The following DDX1 variants were observed in gnomAD, a reference collection of about 807,000 sequenced individuals.
DDX1 encodes the protein ATP-dependent RNA helicase DDX1.
In DDX1, 28 loss-of-function variants were observed where a neutral mutation model predicts 108.7. That is an observed-to-expected ratio of 0.26 (90% CI 0.19 to 0.35). The LOEUF is 0.35. Among genes scored for constraint, DDX1 ranks in the 10% least tolerant of loss-of-function variants. The pLI, the probability that DDX1 is intolerant of heterozygous loss-of-function variation, is 1.00. For synonymous variants in DDX1, 295 were observed against 288.9 expected, an observed-to-expected ratio of 1.02 and a Z score of -0.21; for missense variants, 710 against 884.5, an observed-to-expected ratio of 0.80 and a Z score of 2.50.
chr2:15,598,409 A>G (rs867775500), intron 5 of DDX1, among the ~76,000 whole-genome samples: 1 of 152,178 alleles, frequency 6.6e-6, no homozygotes, highest in African/African-American at 2.4e-5. Context: ...AACACTCCTA[A>G]AGGAGAATAA....
intron 13 of DDX1, among the ~76,000 whole-genome samples, chr2:15,608,938 T>G (rs1194786965): frequency 6.6e-6 from 1 of 150,806 alleles, no homozygotes; most frequent in Non-Finnish European, 1.5e-5. Context: ...TTTTGAAGAT[T>G]GATGCATGTT....
chr2:15,595,926 C>T (rs1487387248), intron 3 of DDX1, among the ~76,000 whole-genome samples: 1 of 151,898 alleles, frequency 6.6e-6, no homozygotes, highest in Non-Finnish European at 1.5e-5. Flanking sequence ...GCTCTGTTGC[C>T]CAAGCTGGAG....
At chr2:15,624,606 A>G (rs2148749101) in intron 19 of DDX1, among the ~76,000 whole-genome samples, 1 of 152,250 alleles carries the variant, frequency 6.6e-6, no homozygotes, top group South Asian at 2.1e-4. Flanking sequence ...ATAACCACCC[A>G]CATGATTCTA....
In DDX1 at chr2:15,613,283, G is replaced by A. The variant is rs778737731; in HGVS notation, c.1016G>A (p.Gly339Glu). The change falls in exon 14 of 26, where the codon GGA (glycine) becomes GAA (glutamate). Residue 339 changes from glycine (G) to glutamate (E), a missense_variant and splice_region_variant. Physicochemically the swap from Gly to Glu is moderately conservative, Grantham distance 98. This residue lies in a region of DDX1 where 661 missense variants were observed against 810.2 expected (regional missense o/e 0.82). Transcript: ENST00000233084. Reference sequence around the variant, plus strand: ...GATCAGCTCTCTGTTTTGGAAAATGGAGTAAGTTGTAGTTTTAATTTTTAA... The same window carrying A: ...GATCAGCTCTCTGTTTTGGAAAATGAAGTAAGTTGTAGTTTTAATTTTTAA... ...ARDQLSVLEN[G>E]VDIVVGTPGR... The A allele has an allele frequency of 1.3e-5, 21 of 1,601,780 alleles. No homozygotes were observed. In the East Asian group the frequency reaches 4.0e-4, roughly 31 times the overall value.
intron 19 of DDX1, among the ~76,000 whole-genome samples, chr2:15,625,668 C>T (rs533873753): frequency 5.9e-5 from 9 of 151,424 alleles, no homozygotes; most frequent in Admixed American, 1.3e-4. Flanking sequence ...AGTGTTGCTA[C>T]GTGTTTGAAA....
chr2:15,610,738 G>A (rs1054018386), intron 13 of DDX1, among the ~76,000 whole-genome samples: 3 of 152,218 alleles, frequency 2.0e-5, no homozygotes, highest in Non-Finnish European at 4.4e-5. Context: ...AGAAGAATAT[G>A]TAGATGAGAA....
intron 20 of DDX1, among the ~76,000 whole-genome samples, chr2:15,627,885 CAT>C (rs1244818805): frequency 6.6e-6 from 1 of 152,114 alleles, no homozygotes; most frequent in Non-Finnish European, 1.5e-5. Context: ...TTTTCTGGAC[CAT>C]AAGTCAGTAT....
chr2:15,604,628 A>G (rs1335135911), intron 10 of DDX1, 119 bp downstream of exon 10: 4 of 679,968 alleles, frequency 5.9e-6, no homozygotes, highest in Non-Finnish European at 7.8e-6. Context: ...CCTTTACTTG[A>G]ACTAATATTT....
At chr2:15,597,537 A>G in intron 5 of DDX1, 66 bp downstream of exon 5, 1 of 1,088,368 alleles carries the variant, frequency 9.2e-7, no homozygotes, top group African/African-American at 1.6e-5. Context: ...ACAGTTAGGA[A>G]AGTGAGATTT....
rs759215087 is a variant in DDX1, at chr2:15,628,657, C to T, written c.1779C>T (p.Pro593=). 18 of 1,612,160 alleles carry T rather than the reference C, an allele frequency of 1.1e-5. No homozygotes were observed. The highest frequency in any genetic ancestry group is 3.3e-5 in the Admixed American group (2 of 59,802). ...TTATAGTTATAAATGTCACTCTGCC[C>T]GATGAAAAGCAAAACTACGTACATC... ...GVPYVINVTL[P]DEKQNYVHRI... The change falls in exon 22 of 26, where the codon CCC becomes CCT. Residue 593 remains proline (P), a synonymous_variant. Coordinates refer to ENST00000233084, the MANE Select transcript of DDX1 (RefSeq NM_004939.3).
In DDX1 at chr2:15,596,773, AAATT is replaced by A. The variant is rs771022536; in HGVS notation, c.162+12_162+15del. On this transcript the variant is annotated intron_variant, in intron 4 of 25. Transcript: ENST00000233084. Reference sequence around the variant, plus strand: ...AAGTGGCAAAACTGGTGTAAGTAATAAATTATATTTACTTTCTCTCTAAAAGTTG... The same window carrying A: ...AAGTGGCAAAACTGGTGTAAGTAATAATATTTACTTTCTCTCTAAAAGTTG... 6.3e-7 allele frequency: 1 copy of A among 1,599,056 alleles called. No individual in the cohort carries two copies. Among genetic ancestry groups the A allele is most frequent in the Admixed American group, 1.7e-5 (1 of 59,644 alleles).
intron 19 of DDX1, among the ~76,000 whole-genome samples, chr2:15,623,973 A>G (rs1666053521): frequency 6.6e-6 from 1 of 152,224 alleles, no homozygotes; most frequent in South Asian, 2.1e-4. Context: ...AGGAAGGGGA[A>G]TAAAATGAGA....
In DDX1 at chr2:15,617,267, G is replaced by A. The variant is rs150852999; in HGVS notation, c.1041G>A (p.Pro347=). The change falls in exon 15 of 26, where the codon CCG becomes CCA. Residue 347 remains proline, a synonymous_variant. Transcript: ENST00000233084. The part of the protein sequence containing the change: ...ENGVDIVVGT[P]GRLDDLVSTG... ...AGGTAGATATAGTTGTAGGTACTCC[G>A]GGAAGACTAGATGACTTGGTGTCAA... The A allele has an allele frequency of 2.3e-5, 36 of 1,589,030 alleles. No individual in the cohort carries two copies. The highest frequency in any genetic ancestry group is 1.6e-4 in the African/African-American group (12 of 74,226).
At chr2:15,611,494 G>A (rs1665755827) in intron 13 of DDX1, among the ~76,000 whole-genome samples, 1 of 144,504 alleles carries the variant, frequency 6.9e-6, no homozygotes, top group Non-Finnish European at 1.5e-5. Context: ...CCCGGACGGG[G>A]CGGCTGGCCG....
chr2:15,613,911 A>G (rs1271503281), intron 14 of DDX1, among the ~76,000 whole-genome samples: 8 of 144,520 alleles, frequency 5.5e-5, no homozygotes, highest in Non-Finnish European at 1.0e-4. Flanking sequence ...TTCTCGGCTC[A>G]TTGCAACCTC....
Position 15,603,793 on chromosome 2 carries a change from TA to T in DDX1, c.476-17del. The T allele has an allele frequency of 6.5e-7, 1 of 1,536,702 alleles. No homozygotes were observed. The highest frequency in any genetic ancestry group is 8.9e-7 in the Non-Finnish European group (1 of 1,123,192). ...TTTATATTTTCTCTTACCAGAAAAGTAAAATATTTTTTAAATCTAGGTACTG... is the reference window on the plus strand; with the variant it reads ...TTTATATTTTCTCTTACCAGAAAAGTAAATATTTTTTAAATCTAGGTACTG... On this transcript the variant is annotated intron_variant, in intron 8 of 25. Coordinates refer to ENST00000233084, the MANE Select transcript of DDX1 (RefSeq NM_004939.3).
At chr2:15,598,799 T>G (rs954588767) in intron 5 of DDX1, among the ~76,000 whole-genome samples, 3 of 152,238 alleles carry the variant, frequency 2.0e-5, no homozygotes, top group Non-Finnish European at 4.4e-5. Context: ...ATTACAATTC[T>G]TAGTTTATAC....
At chr2:15,608,005 T>G (rs1218353934) in intron 13 of DDX1, among the ~76,000 whole-genome samples, 1 of 152,174 alleles carries the variant, frequency 6.6e-6, no homozygotes, top group East Asian at 1.9e-4. Flanking sequence ...TTTCTTCCAT[T>G]TGGACATTCA....
Position 15,606,138 on chromosome 2 carries a change from A to G in DDX1, c.703-12A>G. On this transcript the variant is annotated splice_polypyrimidine_tract_variant and intron_variant, in intron 11 of 25. Coordinates refer to ENST00000233084, the MANE Select transcript of DDX1 (RefSeq NM_004939.3). ...GGTAGGAATTTTAATTTTCTGTTTT[A>G]TTCAATGCTAGAATGCTGAACTGAA... 1 of 1,603,544 alleles carries G rather than the reference A, an allele frequency of 6.2e-7. No individual in the cohort carries two copies. The highest frequency in any genetic ancestry group is 8.5e-7 in the Non-Finnish European group (1 of 1,171,396).
Sources: allele counts gnomAD v4.1 joint callset (sites outside exome capture counted in the v4.1 genomes callset), GRCh38; gene constraint gnomAD v4.1.1; regional missense constraint gnomAD v4.1.1; transcripts MANE v1.5; gene names NCBI Gene and HGNC (gene_info 2026-07-23, HGNC 2026-07-21).